TENM3: variants seen among roughly 807,000 people sequenced by gnomAD.
TENM3 encodes teneurin transmembrane protein 3.
In TENM3, 63 loss-of-function variants were observed where a neutral mutation model predicts 255.1. The ratio of observed to expected loss-of-function variants is 0.25; its 90% CI spans 0.20 to 0.30. The LOEUF (loss-of-function observed/expected upper bound fraction) is 0.30, where lower values mean the gene tolerates loss of function less well. Ranked by LOEUF, TENM3 falls within the 10% of genes least tolerant of loss-of-function variation. The pLI is 1.00. For synonymous variants in TENM3, 1,306 were observed against 1,322.3 expected (o/e 0.99, Z 0.27); for missense variants, 2,929 against 3,461.1 (o/e 0.85, Z 3.86).
At chr4:182,330,321 G>A (rs1352266123) in intron 2 of TENM3, among the ~76,000 whole-genome samples, 3 of 152,190 alleles carry the variant, frequency 2.0e-5, no homozygotes, top group African/African-American at 7.2e-5. Flanking sequence ...GGACAGTCAT[G>A]GGGAAGTGTG....
At chr4:182,698,568 G>A (rs1440238966) in intron 12 of TENM3, among the ~76,000 whole-genome samples, 1 of 152,182 alleles carries the variant, frequency 6.6e-6, no homozygotes, top group Non-Finnish European at 1.5e-5. Context: ...GGGCCATGTG[G>A]ATACACGTTC....
At chr4:182,479,261 A>G (rs890194200) in intron 3 of TENM3, among the ~76,000 whole-genome samples, 87 of 152,132 alleles carry the variant, frequency 5.7e-4, no homozygotes, top group African/African-American at 2.0e-3. Flanking sequence ...TAATGATACT[A>G]TACATGTTTA....
chr4:181,516,777 C>CA, the TENM3 span, among the ~76,000 whole-genome samples: 50 of 146,100 alleles, frequency 3.4e-4, no homozygotes, highest in East Asian at 4.4e-3. Flanking sequence ...ACTCCATCTC[C>CA]AAAAAAAAAA....
chr4:181,714,319 G>A, the TENM3 span, among the ~76,000 whole-genome samples: 2 of 152,214 alleles, frequency 1.3e-5, no homozygotes, highest in East Asian at 1.9e-4. Context: ...GCACATGCCT[G>A]TAGTCCCAGC....
chr4:181,663,887 C>A, the TENM3 span, among the ~76,000 whole-genome samples: 1 of 152,210 alleles, frequency 6.6e-6, no homozygotes. Flanking sequence ...TCCCGCAGCA[C>A]CGCTTTCATC....
At chr4:182,032,211 T>C in the TENM3 span, among the ~76,000 whole-genome samples, 1 of 152,206 alleles carries the variant, frequency 6.6e-6, no homozygotes, top group Non-Finnish European at 1.5e-5. Context: ...CTCTCACTAT[T>C]TGGAGGTATG....
chr4:181,628,107 A>T, the TENM3 span, among the ~76,000 whole-genome samples: 1 of 152,020 alleles, frequency 6.6e-6, no homozygotes, highest in Non-Finnish European at 1.5e-5. Context: ...GCATTTTTTC[A>T]TGTGTCTTTT....
intron 1 of TENM3, among the ~76,000 whole-genome samples, chr4:182,169,853 C>T (rs1751984130): frequency 6.6e-6 from 1 of 151,968 alleles, no homozygotes; most frequent in Admixed American, 6.6e-5. Context: ...GGAATGAATA[C>T]ATCTGAGGAT....
chr4:181,483,689 A>G, the TENM3 span, among the ~76,000 whole-genome samples: 5 of 152,132 alleles, frequency 3.3e-5, no homozygotes, highest in African/African-American at 7.2e-5. Flanking sequence ...CTTCAGCCCA[A>G]CTTAAAATGC....
At chr4:181,935,736 C>T in the TENM3 span, among the ~76,000 whole-genome samples, 1 of 152,156 alleles carries the variant, frequency 6.6e-6, no homozygotes, top group Non-Finnish European at 1.5e-5. Context: ...CTCTCGAATC[C>T]CAGCCAAGCC....
the TENM3 span, among the ~76,000 whole-genome samples, chr4:181,847,259 G>T: frequency 6.6e-6 from 1 of 152,136 alleles, no homozygotes; most frequent in Non-Finnish European, 1.5e-5. Flanking sequence ...TTAGCATTAA[G>T]GTAATTTTCA....
the TENM3 span, among the ~76,000 whole-genome samples, chr4:181,471,134 T>C: frequency 2.0e-5 from 3 of 152,204 alleles, no homozygotes; most frequent in Non-Finnish European, 4.4e-5. Flanking sequence ...TCCACATTGT[T>C]AATTTTAAGA....
chr4:181,653,768 C>T, the TENM3 span, among the ~76,000 whole-genome samples: 7 of 148,070 alleles, frequency 4.7e-5, no homozygotes, highest in South Asian at 8.7e-4. Context: ...TATAGGTATA[C>T]ATGTGCCATG....
the TENM3 span, among the ~76,000 whole-genome samples, chr4:181,909,397 C>T: frequency 6.6e-6 from 1 of 152,196 alleles, no homozygotes; most frequent in East Asian, 1.9e-4. Context: ...TTGCCACAGA[C>T]AAAGCCCCAT....
chr4:182,193,325 T>C (rs1441827282), intron 1 of TENM3, among the ~76,000 whole-genome samples: 2 of 152,218 alleles, frequency 1.3e-5, no homozygotes, highest in South Asian at 2.1e-4. Flanking sequence ...GCCCGTTATA[T>C]GTTCTAGTAA....
At chr4:182,470,696 A>G (rs1733032215) in intron 3 of TENM3, among the ~76,000 whole-genome samples, 1 of 152,218 alleles carries the variant, frequency 6.6e-6, no homozygotes, top group South Asian at 2.1e-4. Flanking sequence ...CATTTGTGTC[A>G]GTTAGGGTGT....
At chr4:181,914,768 A>G in the TENM3 span, among the ~76,000 whole-genome samples, 63 of 152,332 alleles carry the variant, frequency 4.1e-4, 1 homozygote, top group Admixed American at 3.7e-3. Context: ...GATATAAATA[A>G]CAAAGATGGT....
the TENM3 span, among the ~76,000 whole-genome samples, chr4:181,914,119 T>C: frequency 2.0e-5 from 3 of 152,218 alleles, no homozygotes; most frequent in Non-Finnish European, 4.4e-5. Flanking sequence ...TTTAGTGATA[T>C]CACTCCTTTG....
the TENM3 span, among the ~76,000 whole-genome samples, chr4:182,105,611 C>G: frequency 1.8e-4 from 27 of 152,334 alleles, no homozygotes; most frequent in African/African-American, 6.3e-4. Flanking sequence ...ACACAGCTCT[C>G]ATTGTCTCCC....
Sources: allele counts gnomAD v4.1 joint callset (sites outside exome capture counted in the v4.1 genomes callset), GRCh38; gene constraint gnomAD v4.1.1; transcripts MANE v1.5; gene names NCBI Gene and HGNC (gene_info 2026-07-23, HGNC 2026-07-21).